Variants in ZNF605 observed in about 807,000 individuals in gnomAD.
ZNF605 encodes zinc finger protein 605.
Under a neutral mutation model 7.9 loss-of-function variants are expected in ZNF605, and 9 were observed. The ratio of observed to expected loss-of-function variants is 1.14; its 90% CI spans 0.68 to 1.98. ZNF605 has a LOEUF of 1.98. Among genes scored for constraint, ZNF605 ranks in the 30% most tolerant of loss-of-function variants. The probability of loss-of-function intolerance (pLI) is 0.00; values close to 1 mark genes in which losing one functional copy is unlikely to be tolerated. For synonymous variants in ZNF605, 255 were observed against 260.1 expected, an observed-to-expected ratio of 0.98 and a Z score of 0.19; for missense variants, 673 against 762.4, an observed-to-expected ratio of 0.88 and a Z score of 1.38.
At chr12:132,953,627 A>G (rs1249342346) in intron 1 of ZNF605, among the ~76,000 whole-genome samples, 4 of 152,054 alleles carry the variant, frequency 2.6e-5, no homozygotes, top group Admixed American at 1.3e-4. Flanking sequence ...GGGTTTCACC[A>G]TGTTGGCCAG....
chr12:132,955,958 G>A (rs1171752721), intron 1 of ZNF605, among the ~76,000 whole-genome samples: 2 of 139,900 alleles, frequency 1.4e-5, no homozygotes, highest in East Asian at 4.1e-4. Context: ...AATCTCCCCC[G>A]ACACCCACAT....
At chr12:132,946,878 CGTGG>C (rs1465039190) in intron 2 of ZNF605, among the ~76,000 whole-genome samples, 59 of 152,292 alleles carry the variant, frequency 3.9e-4, no homozygotes, top group Admixed American at 7.8e-4. Context: ...CTCCAGACCA[CGTGG>C]GGGAGCAGCT....
At chr12:132,938,786 G>C (rs1181636970) in intron 3 of ZNF605, among the ~76,000 whole-genome samples, 1 of 152,110 alleles carries the variant, frequency 6.6e-6, no homozygotes, top group Non-Finnish European at 1.5e-5. Flanking sequence ...GGCTGTGTGC[G>C]GCGCTTGCGG....
intron 2 of ZNF605, among the ~76,000 whole-genome samples, chr12:132,946,838 C>G (rs1354664110): frequency 1.3e-5 from 2 of 152,220 alleles, no homozygotes; most frequent in African/African-American, 4.8e-5. Context: ...GAGACTAAAG[C>G]CTGGCCTTCA....
chr12:132,945,282 T>C (rs1461674879), intron 3 of ZNF605: 3 of 826,288 alleles, frequency 3.6e-6, no homozygotes, highest in African/African-American at 3.4e-5. Context: ...TGTATGTTTC[T>C]ATAATCTACT....
chr12:132,926,405 T>C lies in ZNF605; in HGVS notation c.894A>G (p.Thr298=). ...KAFSQKLKLI[T]HQRAHTGEKP... is the part of the protein sequence containing the mutation. ...TCTCTCCTGTGTGCGCTCTCTGATG[T>C]GTGATGAGTTTTAATTTCTGGGAGA... is the stretch of plus-strand genomic sequence containing the variant. Residue 298 remains threonine, a synonymous_variant, in exon 5 of 5, where the codon ACA becomes ACG. Coordinates refer to ENST00000360187, the MANE Select transcript of ZNF605 (RefSeq NM_183238.4). 6.2e-7 allele frequency: 1 copy of C among 1,614,090 alleles called. No individual in the cohort carries two copies. Among genetic ancestry groups the C allele is most frequent in the Non-Finnish European group, 8.5e-7 (1 of 1,180,016 alleles).
chr12:132,951,598 G>C (rs1952568324), intron 1 of ZNF605, among the ~76,000 whole-genome samples: 2 of 130,176 alleles, frequency 1.5e-5, no homozygotes, highest in Non-Finnish European at 3.5e-5. Context: ...CACACACTCA[G>C]ACACAGATAC....
intron 1 of ZNF605, among the ~76,000 whole-genome samples, chr12:132,953,450 T>TG (rs1412896196): frequency 2.6e-5 from 4 of 152,198 alleles, no homozygotes; most frequent in African/African-American, 9.7e-5. Context: ...TTTTTTAAGA[T>TG]GGAGTCTCAC....
intron 1 of ZNF605, among the ~76,000 whole-genome samples, chr12:132,953,707 G>A (rs1952599357): frequency 6.6e-6 from 1 of 152,044 alleles, no homozygotes; most frequent in Non-Finnish European, 1.5e-5. Flanking sequence ...TTACAGGTGT[G>A]AGCCACGGTG....
At position 132,933,369 on chromosome 12, in the gene ZNF605, C is replaced by T; in HGVS notation, c.16-214G>A. Among the ~76,000 whole-genome samples the T allele has an allele frequency of 6.6e-6, 1 of 152,208 alleles. No individual in the cohort carries two copies. Among genetic ancestry groups the T allele is most frequent in the East Asian group, 1.9e-4 (1 of 5,200 alleles). On this transcript the variant is annotated intron_variant, in intron 3 of 4. Coordinates refer to ENST00000360187, the MANE Select transcript of ZNF605 (RefSeq NM_183238.4). This position sits in a 1 kb window ranked among gnomAD's most constrained non-coding sequence, Gnocchi z 4.4. ...AACAGGGAAACATGATGAGATGCCA[C>T]TTCCAAGACTAGGTTAGAAAGAAAT...
At chr12:132,951,295 CACGT>C (rs1278247756) in intron 1 of ZNF605, among the ~76,000 whole-genome samples, 3 of 151,738 alleles carry the variant, frequency 2.0e-5, no homozygotes, top group African/African-American at 7.3e-5. Flanking sequence ...TACACACAGA[CACGT>C]ACACAGACAT....
rs1170968691 is a variant in ZNF605 at position 132,941,145 on chromosome 12, A to G, written c.15+4476T>C. ...CAACTGCGCTTGCTAAATGCAGACT[A>G]AGATGTCTTCCACTCCGGAGCAAGC... is the stretch of plus-strand genomic sequence containing the variant. On this transcript the variant is annotated intron_variant, in intron 3 of 4. Transcript: ENST00000360187. This position sits in a 1 kb window ranked among gnomAD's most constrained non-coding sequence, Gnocchi z 5.1. 1.3e-5 allele frequency among the ~76,000 whole-genome samples: 2 copies of G among 152,126 alleles called. No individual in the cohort carries two copies. The highest frequency in any genetic ancestry group is 4.8e-5 in the African/African-American group (2 of 41,434).
At chr12:132,937,906 A>G (rs1952384431) in intron 3 of ZNF605, among the ~76,000 whole-genome samples, 1 of 152,272 alleles carries the variant, frequency 6.6e-6, no homozygotes, top group South Asian at 2.1e-4. Context: ...CCGATAAGAT[A>G]TGAATGAATC....
chr12:132,925,571 C>T lies in ZNF605; in HGVS notation c.1728G>A (p.Leu576=). ...CAKAFFEKAQ[L]IIHQRIHTGE... is the part of the protein sequence containing the mutation. ...CTGTATGAATTCTCTGATGTATAAT[C>T]AGCTGTGCCTTCTCAAAGAAAGCTT... The change falls in exon 5 of 5, where the codon CTG becomes CTA. Residue 576 remains leucine (L), a synonymous_variant. Transcript: ENST00000360187. The T allele has an allele frequency of 6.2e-7, 1 of 1,614,116 alleles. No homozygotes were observed. Among genetic ancestry groups the T allele is most frequent in the South Asian group, 1.1e-5 (1 of 91,076 alleles).
At chr12:132,932,755 G>C in intron 4 of ZNF605, 4 of 1,536,546 alleles carry the variant, frequency 2.6e-6, no homozygotes, top group Non-Finnish European at 2.6e-6. Context: ...ATTATCCATG[G>C]ATCTTGTTGT....
intron 4 of ZNF605, among the ~76,000 whole-genome samples, chr12:132,927,565 C>A (rs916799392): frequency 2.6e-5 from 4 of 151,938 alleles, no homozygotes; most frequent in Admixed American, 6.6e-5. Flanking sequence ...GGGGTTTCAC[C>A]GTGTTAGCCA....
intron 4 of ZNF605, among the ~76,000 whole-genome samples, chr12:132,931,813 G>A (rs1787355513): frequency 1.3e-5 from 2 of 152,190 alleles, no homozygotes; most frequent in Non-Finnish European, 2.9e-5. Context: ...AGAAGCTTTA[G>A]AGAAGTTAAA....
Position 132,948,199 on chromosome 12 carries a change from C to A in ZNF605, c.-214G>T, listed in dbSNP as rs1952513920. 1 of 152,192 alleles carries A rather than the reference C, an allele frequency of 6.6e-6. No homozygotes were observed. The highest frequency in any genetic ancestry group is 2.1e-4 in the South Asian group (1 of 4,828). 9.4% of individuals were successfully genotyped at this position (152,192 alleles called of 1,614,324 possible). A position where few individuals can be genotyped will look rare whatever the true frequency, so the allele number is the denominator to read the frequency against. ...ACCAGGCCACTTAGATGAAGCCAGACACGGAATCAGAGCCAAAGAACTGAA... is the reference window on the plus strand; with the variant it reads ...ACCAGGCCACTTAGATGAAGCCAGAAACGGAATCAGAGCCAAAGAACTGAA... On this transcript the variant is annotated 5_prime_UTR_variant, in exon 2 of 5. Transcript: ENST00000360187.
intron 1 of ZNF605, among the ~76,000 whole-genome samples, chr12:132,951,877 A>C (rs112875195): frequency 6.8e-6 from 1 of 146,360 alleles, no homozygotes; most frequent in African/African-American, 2.8e-5. Context: ...ACTCATACAC[A>C]CATACACACT....
Sources: gnomAD v4.1 joint callset for allele counts (sites outside exome capture counted in the v4.1 genomes callset) on GRCh38, gnomAD v4.1.1 for gene constraint, Gnocchi (gnomAD v3.1) non-coding constraint, MANE v1.5 for transcripts, NCBI Gene and HGNC (gene_info 2026-07-23, HGNC 2026-07-21) for gene names.